The following CSMD1 variants were observed in gnomAD, a reference collection of about 807,000 sequenced individuals.
The protein encoded by CSMD1 is CUB and Sushi multiple domains 1, also known as CUB and sushi domain-containing protein 1.
Under a neutral mutation model 417.5 loss-of-function variants are expected in CSMD1, and 213 were observed. That is an observed-to-expected ratio of 0.51 (90% confidence interval 0.46 to 0.57). The LOEUF (loss-of-function observed/expected upper bound fraction) is 0.57, where lower values mean the gene tolerates loss of function less well. CSMD1 is among the 20% of genes least tolerant of loss of function. The pLI is 0.00. For synonymous variants in CSMD1, 2,862 were observed against 1,736.8 expected (o/e 1.65, Z -16.11); for missense variants, 6,923 against 4,529.7 (o/e 1.53, Z -15.17).
chr8:4,938,285 G>A (rs1168016492), intron 1 of CSMD1, among the ~76,000 whole-genome samples: 1 of 152,158 alleles, frequency 6.6e-6, no homozygotes, highest in Non-Finnish European at 1.5e-5. Context: ...GGACTTTGCA[G>A]AGTGGGAAAT....
At chr8:3,512,332 C>G (rs947031991) in intron 10 of CSMD1, among the ~76,000 whole-genome samples, 10 of 152,202 alleles carry the variant, frequency 6.6e-5, no homozygotes, top group Admixed American at 1.3e-4. Context: ...ATACCCACAG[C>G]CTCAGCCTCT....
intron 5 of CSMD1, among the ~76,000 whole-genome samples, chr8:3,827,782 T>A (rs1802140695): frequency 6.6e-6 from 1 of 152,192 alleles, no homozygotes; most frequent in Non-Finnish European, 1.5e-5. Flanking sequence ...AAGACTATCC[T>A]ATAAATTATT....
intron 2 of CSMD1, among the ~76,000 whole-genome samples, chr8:4,535,166 G>C (rs919911936): frequency 2.0e-5 from 3 of 152,098 alleles, no homozygotes; most frequent in Admixed American, 2.0e-4. Flanking sequence ...ATATAATGCA[G>C]TATAATCTAT....
At chr8:3,115,507 C>A (rs545217845) in intron 42 of CSMD1, among the ~76,000 whole-genome samples, 1 of 152,154 alleles carries the variant, frequency 6.6e-6, no homozygotes, top group South Asian at 2.1e-4. Flanking sequence ...CGGCCTAAAA[C>A]CCCCACCTTT....
chr8:3,087,554 C>T (rs1373133633), intron 48 of CSMD1, among the ~76,000 whole-genome samples: 1 of 152,178 alleles, frequency 6.6e-6, no homozygotes. Flanking sequence ...TCAAGAGTAT[C>T]CAATCTTTAG....
chr8:4,513,961 A>T (rs373490134), intron 2 of CSMD1, among the ~76,000 whole-genome samples: 9 of 151,854 alleles, frequency 5.9e-5, no homozygotes, highest in East Asian at 1.9e-4. Context: ...ATCACTTGGG[A>T]CTCTTTTTAA....
At chr8:4,813,957 G>C (rs1435362587) in intron 1 of CSMD1, among the ~76,000 whole-genome samples, 3 of 152,208 alleles carry the variant, frequency 2.0e-5, no homozygotes, top group South Asian at 2.1e-4. Context: ...TAATTATTTA[G>C]TAATCAGTGA....
chr8:3,746,271 G>T lies in CSMD1; in HGVS notation c.931+7659C>A, dbSNP rs1011992181. Among the ~76,000 whole-genome samples the T allele has an allele frequency of 2.0e-5, 3 of 152,172 alleles. No homozygotes were observed. In the East Asian group the frequency reaches 5.8e-4, roughly 29 times the overall value. On this transcript the variant is annotated intron_variant, in intron 6 of 69. Coordinates refer to ENST00000635120, the MANE Select transcript of CSMD1 (RefSeq NM_033225.6). ...TATAAACTGCGGGAAAACAATTTACGAAGGGATTGATAACCTACCTGAACT... is the reference window on the plus strand; with the variant it reads ...TATAAACTGCGGGAAAACAATTTACTAAGGGATTGATAACCTACCTGAACT...
At chr8:3,290,188 C>G (rs1367754156) in intron 25 of CSMD1, among the ~76,000 whole-genome samples, 5 of 147,112 alleles carry the variant, frequency 3.4e-5, no homozygotes, top group African/African-American at 5.4e-5. Flanking sequence ...TGGTCTCTAT[C>G]TCTGTTTTGG....
chr8:4,302,612 T>C (rs1416318948), intron 3 of CSMD1, among the ~76,000 whole-genome samples: 2 of 152,166 alleles, frequency 1.3e-5, no homozygotes, highest in Non-Finnish European at 2.9e-5. Flanking sequence ...TTCTCTCCTA[T>C]GTTGTTGTGT....
intron 7 of CSMD1, among the ~76,000 whole-genome samples, chr8:3,703,188 G>C (rs1210401527): frequency 6.6e-6 from 1 of 152,136 alleles, no homozygotes. Flanking sequence ...TTAATGTTGA[G>C]AGTCGCCCTC....
intron 5 of CSMD1, among the ~76,000 whole-genome samples, chr8:3,791,840 A>AT (rs141522450): frequency 0.083 from 12,521 of 151,616 alleles, 727 homozygotes; most frequent in East Asian, 0.24. Flanking sequence ...AATAATAATA[A>AT]AAAAATAATG....
chr8:3,934,036 C>A (rs536344279), intron 5 of CSMD1, among the ~76,000 whole-genome samples: 1 of 152,230 alleles, frequency 6.6e-6, no homozygotes, highest in South Asian at 2.1e-4. Flanking sequence ...GAGTAGGAAG[C>A]CACTCTGCTC....
At chr8:4,407,011 A>G (rs1288298734) in intron 3 of CSMD1, among the ~76,000 whole-genome samples, 1 of 152,200 alleles carries the variant, frequency 6.6e-6, no homozygotes, top group African/African-American at 2.4e-5. Flanking sequence ...TCCACACCAT[A>G]GCTACGGGTC....
chr8:4,961,263 T>C (rs1482854143), intron 1 of CSMD1, among the ~76,000 whole-genome samples: 1 of 152,120 alleles, frequency 6.6e-6, no homozygotes, highest in Non-Finnish European at 1.5e-5. Flanking sequence ...CCTCAAAATA[T>C]TTTATCCCAT....
At chr8:3,960,605 T>G (rs2627485) in intron 5 of CSMD1, among the ~76,000 whole-genome samples, 69,606 of 151,912 alleles carry the variant, frequency 0.46, 16,866 homozygotes, top group East Asian at 0.79. Flanking sequence ...TTTTAAATAT[T>G]GTATATAACA....
chr8:4,430,820 T>G (rs556988266), intron 2 of CSMD1, among the ~76,000 whole-genome samples: 72 of 152,300 alleles, frequency 4.7e-4, no homozygotes, highest in African/African-American at 1.7e-3. Flanking sequence ...TCCTGTCAAT[T>G]GTCACTGCAA....
intron 51 of CSMD1, among the ~76,000 whole-genome samples, chr8:3,022,194 G>A (rs1277775124): frequency 1.3e-5 from 2 of 149,328 alleles, no homozygotes; most frequent in Non-Finnish European, 1.5e-5. Context: ...CACAGCATCC[G>A]GAATGCACCC....
At chr8:3,009,984 A>G (rs937951295) in intron 52 of CSMD1, among the ~76,000 whole-genome samples, 5 of 152,192 alleles carry the variant, frequency 3.3e-5, no homozygotes, top group South Asian at 2.1e-4. Flanking sequence ...TCCTGTCTCA[A>G]TGTAGTTCCT....
Sources: allele counts gnomAD v4.1 joint callset (sites outside exome capture counted in the v4.1 genomes callset), GRCh38; gene constraint gnomAD v4.1.1; transcripts MANE v1.5; gene names NCBI Gene and HGNC (gene_info 2026-07-23, HGNC 2026-07-21).